Variants in TJP1 observed in about 807,000 individuals in gnomAD.
The protein encoded by TJP1 is tight junction protein 1.
A neutral mutation model predicts 194.2 loss-of-function variants in TJP1; 43 were observed. That is an observed-to-expected ratio of 0.22 (90% confidence interval 0.17 to 0.29). The LOEUF (loss-of-function observed/expected upper bound fraction) is 0.29, where lower values mean the gene tolerates loss of function less well. Ranked by LOEUF, TJP1 falls within the 10% of genes least tolerant of loss-of-function variation. TJP1 has a pLI of 1.00. For synonymous variants in TJP1, 801 were observed against 779.0 expected, an observed-to-expected ratio of 1.03 and a Z score of -0.47; for missense variants, 1,971 against 2,185.7, an observed-to-expected ratio of 0.90 and a Z score of 1.96.
intron 8 of TJP1, among the ~76,000 whole-genome samples, chr15:29,746,578 T>C (rs991324908): frequency 6.6e-6 from 1 of 151,914 alleles, no homozygotes; most frequent in Non-Finnish European, 1.5e-5. Context: ...GAGGGAAAAA[T>C]AGCCAAAATA....
intron 1 of TJP1, 47 bp from the exon 2 acceptor site, chr15:29,800,749 TCC>T (rs1567054527): frequency 1.3e-6 from 2 of 1,590,218 alleles, no homozygotes; most frequent in Non-Finnish European, 1.7e-6. Context: ...TAAGAAAATG[TCC>T]TTAATAAGGT....
At chr15:29,782,561 C>CAT in intron 2 of TJP1, among the ~76,000 whole-genome samples, 2 of 152,242 alleles carry the variant, frequency 1.3e-5, no homozygotes, top group South Asian at 4.1e-4. Context: ...GGATGAAAGA[C>CAT]ATCAATGTAA....
intron 18 of TJP1, among the ~76,000 whole-genome samples, chr15:29,725,846 G>C (rs978114110): frequency 6.6e-6 from 1 of 152,206 alleles, no homozygotes; most frequent in Non-Finnish European, 1.5e-5. Context: ...GCATGAAGTC[G>C]GCTTTTTAAC....
intron 2 of TJP1, among the ~76,000 whole-genome samples, chr15:29,857,529 A>C (rs1278029157): frequency 6.6e-6 from 1 of 152,118 alleles, no homozygotes; most frequent in Non-Finnish European, 1.5e-5. Flanking sequence ...CATGGACAAG[A>C]AGCGCAGGGA....
chr15:29,778,207 C>T (rs1595863301), intron 2 of TJP1, among the ~76,000 whole-genome samples: 2 of 152,024 alleles, frequency 1.3e-5, no homozygotes, highest in Admixed American at 6.6e-5. Flanking sequence ...TATCCAGGAG[C>T]CCTGCGACTT....
chr15:29,764,687 G>C (rs2046223414), intron 5 of TJP1, among the ~76,000 whole-genome samples: 1 of 152,150 alleles, frequency 6.6e-6, no homozygotes, highest in South Asian at 2.1e-4. Flanking sequence ...AATGGCCTGA[G>C]AAACTGGATC....
chr15:29,949,311 CCACTTT>C lies in TJP1; in HGVS notation c.306+6915_306+6920del, dbSNP rs1172186576. Among the ~76,000 whole-genome samples the C allele has an allele frequency of 8.5e-5, 11 of 129,066 alleles. 1 individual carries two copies. In the South Asian group the frequency reaches 2.9e-3, roughly 34 times the overall value. The allele number at this position is 129,066 out of a possible 152,430, so 84.7% of individuals were successfully genotyped here. A position where few individuals can be genotyped will look rare whatever the true frequency, so the allele number is the denominator to read the frequency against. On this transcript the variant is annotated intron_variant, in intron 2 of 28. Transcript: ENST00000356107. The stretch of plus-strand genomic sequence containing the variant: ...GCCATCACCTCCACCACCACCACCT[CCACTTT>C]CACCACCACTACCTCCACCACCTCC...
At chr15:29,882,037 T>C (rs1035448044) in intron 2 of TJP1, among the ~76,000 whole-genome samples, 1 of 152,088 alleles carries the variant, frequency 6.6e-6, no homozygotes, top group Non-Finnish European at 1.5e-5. Context: ...CTGTGGTATT[T>C]TATAACATTA....
rs369089347 is a variant in TJP1 at position 29,800,698 on chromosome 15, G to A, written c.32C>T (p.Thr11Ile). 1.9e-6 allele frequency: 3 copies of A among 1,613,456 alleles called. No individual in the cohort carries two copies. Among genetic ancestry groups the A allele is most frequent in the African/African-American group, 2.7e-5 (2 of 74,874 alleles). The change falls in exon 2 of 28, where the codon ACA becomes ATA. Residue 11 changes from threonine (T) to isoleucine (I), a missense_variant. Around this residue, in one of 5 missense-constraint regions of TJP1, gnomAD observed 245 missense variants for 336.6 expected, o/e 0.73. Coordinates refer to ENST00000614355, the MANE Select transcript of TJP1 (RefSeq NM_001330239.4). Reference sequence around the variant, plus strand: ...CCATATAGCTGTTTCCTCCATTGCTGTGCTCTGATAAAGGAAAAGAAAAAC... The same window carrying A: ...CCATATAGCTGTTTCCTCCATTGCTATGCTCTGATAAAGGAAAAGAAAAAC... MSARAAAAKS[T>I]AMEETAIWEQ... is the part of the protein sequence containing the mutation.
At chr15:29,821,372 C>A (rs2050331453) in intron 1 of TJP1, 2 of 152,166 alleles carry the variant, frequency 1.3e-5, no homozygotes. Context: ...AAGTTTAATT[C>A]AAGTTAAATT....
At chr15:29,718,201 G>A in intron 21 of TJP1, 65 bp downstream of exon 21, 1 of 1,592,872 alleles carries the variant, frequency 6.3e-7, no homozygotes, top group Non-Finnish European at 8.5e-7. Context: ...TAATGGCGGA[G>A]GGGAGAGCCA....
intron 2 of TJP1, among the ~76,000 whole-genome samples, chr15:29,920,559 T>C (rs533699658): frequency 6.6e-6 from 1 of 152,214 alleles, no homozygotes; most frequent in Admixed American, 6.5e-5. Context: ...CGCCTCAGCC[T>C]TCCCTTCCAA....
intron 2 of TJP1, among the ~76,000 whole-genome samples, chr15:29,857,176 T>C (rs2051889361): frequency 6.6e-6 from 1 of 152,212 alleles, no homozygotes; most frequent in Admixed American, 6.5e-5. Flanking sequence ...TATAATCTTA[T>C]ATTGGGGAGT....
At position 29,718,311 on chromosome 15, in the gene TJP1, T is replaced by C. The variant is rs752547716; in HGVS notation, c.3831A>G (p.Ala1277=). The change falls in exon 21 of 28, where the codon GCA becomes GCG. Residue 1277 remains alanine, a synonymous_variant. Transcript: ENST00000614355. ...TTACATCCTTCTTGGTCTCTAAGGA[T>C]GCAGATCTTTTGTTTTCAAACATCT... ...RVKMFENKRS[A]SLETKKDVND... 1.9e-6 allele frequency: 3 copies of C among 1,613,988 alleles called. No individual in the cohort carries two copies. Among genetic ancestry groups the C allele is most frequent in the East Asian group, 2.2e-5 (1 of 44,876 alleles).
Position 29,708,921 on chromosome 15 carries a change from T to C in TJP1, c.4488A>G (p.Ala1496=). The C allele has an allele frequency of 6.2e-7, 1 of 1,614,198 alleles. No individual in the cohort carries two copies. Among genetic ancestry groups the C allele is most frequent in the Non-Finnish European group, 8.5e-7 (1 of 1,180,030 alleles). ...GAAAACTTTTCTGGGGATAGAAAGC[T>C]GCCTGAGCAGTATCTTCTCGGTTTG... is the stretch of plus-strand genomic sequence containing the variant. ...RPPNREDTAQ[A]AFYPQKSFPD... Residue 1496 remains alanine (A), a synonymous_variant, in exon 25 of 28, where the codon GCA becomes GCG. Coordinates refer to ENST00000614355, the MANE Select transcript of TJP1 (RefSeq NM_001330239.4).
intron 15 of TJP1, chr15:29,730,999 T>C (rs1353555277): frequency 4.0e-5 from 51 of 1,285,242 alleles, no homozygotes; most frequent in Middle Eastern, 2.4e-4. Flanking sequence ...GTGTGCATTT[T>C]TGATAACTGT....
intron 18 of TJP1, among the ~76,000 whole-genome samples, chr15:29,724,976 T>C (rs1050709527): frequency 1.3e-5 from 2 of 152,238 alleles, no homozygotes; most frequent in African/African-American, 4.8e-5. Flanking sequence ...TTTGTGCATT[T>C]TGGGAAAACA....
chr15:29,764,600 G>C (rs2046215771), intron 5 of TJP1, among the ~76,000 whole-genome samples: 1 of 152,080 alleles, frequency 6.6e-6, no homozygotes, highest in Non-Finnish European at 1.5e-5. Context: ...ATGGATAAGA[G>C]TGGTATTCAG....
intron 2 of TJP1, among the ~76,000 whole-genome samples, chr15:29,921,228 C>G (rs1302010687): frequency 6.6e-6 from 1 of 152,180 alleles, no homozygotes; most frequent in Admixed American, 6.5e-5. Flanking sequence ...GGCACTCTCC[C>G]GTCACCTCCT....
Sources: allele counts gnomAD v4.1 joint callset (sites outside exome capture counted in the v4.1 genomes callset), GRCh38; gene constraint gnomAD v4.1.1; regional missense constraint gnomAD v4.1.1; transcripts MANE v1.5; gene names NCBI Gene and HGNC (gene_info 2026-07-23, HGNC 2026-07-21).